Variants in MNAT1 observed in about 807,000 individuals in gnomAD.
MNAT1 encodes the protein CDK-activating kinase assembly factor MAT1.
A neutral mutation model predicts 42.0 loss-of-function variants in MNAT1; 43 were observed. That is an observed-to-expected ratio of 1.02 (90% CI 0.80 to 1.32). The LOEUF is 1.32. MNAT1 is among the 40% of genes most tolerant of loss of function. The pLI is 0.00. For synonymous variants in MNAT1, 118 were observed against 120.0 expected (o/e 0.98, Z 0.11); for missense variants, 306 against 350.4 (o/e 0.87, Z 1.01).
intron 7 of MNAT1, among the ~76,000 whole-genome samples, chr14:60,883,784 A>C (rs1404759620): frequency 6.6e-6 from 1 of 151,896 alleles, no homozygotes; most frequent in Non-Finnish European, 1.5e-5. Flanking sequence ...CATAGTAGAG[A>C]TCTTTCACTT....
chr14:60,903,521 T>C (rs1417673865), intron 7 of MNAT1, among the ~76,000 whole-genome samples: 1 of 152,158 alleles, frequency 6.6e-6, no homozygotes. Flanking sequence ...ATAATTCACA[T>C]ACAATAAAAT....
At chr14:60,827,873 A>G (rs1381376939) in intron 6 of MNAT1, among the ~76,000 whole-genome samples, 1 of 152,158 alleles carries the variant, frequency 6.6e-6, no homozygotes, top group South Asian at 2.1e-4. Flanking sequence ...CAGTTATGTT[A>G]TTTCACTAAA....
intron 7 of MNAT1, among the ~76,000 whole-genome samples, chr14:60,967,424 A>G (rs2036701920): frequency 6.6e-6 from 1 of 152,224 alleles, no homozygotes; most frequent in African/African-American, 2.4e-5. Context: ...ACTAAGCATT[A>G]AAAGAAAGCT....
At position 60,780,734 on chromosome 14, in the gene MNAT1, G is replaced by A. The variant is rs1225504547; in HGVS notation, c.90-15483G>A. 1.4e-5 allele frequency: 8 copies of A among 588,522 alleles called. No individual in the cohort carries two copies. In the South Asian group the frequency reaches 2.0e-4, roughly 15 times the overall value. The allele number at this position is 588,522 out of a possible 1,614,324, so 36.5% of individuals were successfully genotyped here. ...CAAAATGATACTTACTGAACTGTGT[G>A]TAATTGTTCCTTTTGTTTTTTTGGT... On this transcript the variant is annotated intron_variant, in intron 1 of 7. Transcript: ENST00000261245.
chr14:60,948,715 T>C (rs1489391457), intron 7 of MNAT1, among the ~76,000 whole-genome samples: 1 of 152,222 alleles, frequency 6.6e-6, no homozygotes, highest in African/African-American at 2.4e-5. Flanking sequence ...AAACAGGGAC[T>C]GTTTGTCTTC....
chr14:60,911,893 G>T (rs988784395), intron 7 of MNAT1, among the ~76,000 whole-genome samples: 9 of 152,046 alleles, frequency 5.9e-5, no homozygotes, highest in Non-Finnish European at 1.3e-4. Flanking sequence ...TTTCTGTCTC[G>T]TTGATCTGTC....
intron 7 of MNAT1, among the ~76,000 whole-genome samples, chr14:60,963,154 G>C: frequency 6.6e-6 from 1 of 151,992 alleles, no homozygotes; most frequent in Non-Finnish European, 1.5e-5. Flanking sequence ...GCTAATTTTT[G>C]TATTTTTAGT....
chr14:60,846,642 G>T (rs1427768740), intron 6 of MNAT1, among the ~76,000 whole-genome samples: 1 of 151,918 alleles, frequency 6.6e-6, no homozygotes, highest in African/African-American at 2.4e-5. Flanking sequence ...TTTTTCTTGT[G>T]ATTTCTTGTT....
At chr14:60,950,586 TG>T (rs1244555251) in intron 7 of MNAT1, among the ~76,000 whole-genome samples, 2 of 152,186 alleles carry the variant, frequency 1.3e-5, no homozygotes, top group Non-Finnish European at 2.9e-5. Context: ...TAAAACATTA[TG>T]ACTTTTTGTT....
chr14:60,857,982 T>C (rs2034003140), intron 6 of MNAT1, among the ~76,000 whole-genome samples: 2 of 152,182 alleles, frequency 1.3e-5, no homozygotes, highest in South Asian at 4.1e-4. Context: ...TATTGATGGA[T>C]GTTTGGGTTG....
At chr14:60,821,451 A>C (rs922471452) in intron 6 of MNAT1, among the ~76,000 whole-genome samples, 1 of 152,228 alleles carries the variant, frequency 6.6e-6, no homozygotes, top group East Asian at 1.9e-4. Context: ...TTCATTAAAT[A>C]TTTTTAAATG....
chr14:60,950,464 C>T lies in MNAT1; in HGVS notation c.810-17765C>T, dbSNP rs1225303324. Among the ~76,000 whole-genome samples the T allele has an allele frequency of 7.2e-5, 11 of 152,290 alleles. No homozygotes were observed. The East Asian group carries it at 1.5e-3, about 21-fold the overall frequency. On this transcript the variant is annotated intron_variant, in intron 7 of 7. Transcript: ENST00000261245. ...CGTTTTCTAATTTCCAGGAAAACCT[C>T]GTCCACCCCAGTGACTGATATATAC...
chr14:60,916,860 C>T (rs1285187690), intron 7 of MNAT1, among the ~76,000 whole-genome samples: 4 of 151,940 alleles, frequency 2.6e-5, no homozygotes, highest in Admixed American at 2.0e-4. Flanking sequence ...GGCTGAGGCA[C>T]GAGAATTGCT....
intron 7 of MNAT1, among the ~76,000 whole-genome samples, chr14:60,934,901 G>A (rs955999947): frequency 6.6e-6 from 1 of 152,058 alleles, no homozygotes; most frequent in Non-Finnish European, 1.5e-5. Flanking sequence ...GTTTATCAAG[G>A]GTTTCCTTCT....
chr14:60,901,131 A>G (rs932804069), intron 7 of MNAT1, among the ~76,000 whole-genome samples: 9 of 150,742 alleles, frequency 6.0e-5, no homozygotes, highest in Admixed American at 3.3e-4. Context: ...TGAAGCCGAT[A>G]TTTATTTGCC....
rs531249867 is a variant in MNAT1, at chr14:60,818,825, C to G, written c.665C>G (p.Thr222Arg). Residue 222 changes from threonine to arginine, a missense_variant, in exon 6 of 8, where the codon ACG becomes AGG. By Grantham distance (71) the Thr-to-Arg change is moderately conservative (BLOSUM62 -1). Coordinates refer to ENST00000261245, the MANE Select transcript of MNAT1 (RefSeq NM_002431.4). ...AAACCCAAACCTGTAAAACCAGTGA[C>G]GTTTTCCACAGGCATCAAAATGGTA... ...LEKPKPVKPV[T>R]FSTGIKMGQH... 1.2e-6 allele frequency: 2 copies of G among 1,612,448 alleles called. No homozygotes were observed. The highest frequency in any genetic ancestry group is 1.7e-6 in the Non-Finnish European group (2 of 1,178,972).
chr14:60,758,674 C>A (rs548293652), intron 1 of MNAT1, among the ~76,000 whole-genome samples: 3 of 152,056 alleles, frequency 2.0e-5, no homozygotes, highest in Admixed American at 6.5e-5. Context: ...CCTGCTTAAA[C>A]TTCTTTGGTG....
chr14:60,742,884 T>C (rs766623842), intron 1 of MNAT1, among the ~76,000 whole-genome samples: 5 of 152,246 alleles, frequency 3.3e-5, no homozygotes, highest in African/African-American at 9.6e-5. Context: ...CTACATTTTA[T>C]CCATTCATCA....
At chr14:60,781,497 G>A (rs1029193310) in intron 1 of MNAT1, among the ~76,000 whole-genome samples, 8 of 152,098 alleles carry the variant, frequency 5.3e-5, no homozygotes, top group Non-Finnish European at 1.2e-4. Flanking sequence ...TGTTTTTAGA[G>A]ATGATGGGGT....
Sources: allele counts gnomAD v4.1 joint callset (sites outside exome capture counted in the v4.1 genomes callset), GRCh38; gene constraint gnomAD v4.1.1; transcripts MANE v1.5; gene names NCBI Gene and HGNC (gene_info 2026-07-23, HGNC 2026-07-21).